The following PRRX1 variants were observed in gnomAD, a reference collection of about 807,000 sequenced individuals.
PRRX1 encodes paired mesoderm homeobox protein 1.
In PRRX1, 8 loss-of-function variants were observed where a neutral mutation model predicts 24.0. That is an observed-to-expected ratio of 0.33 (90% CI 0.20 to 0.60). The LOEUF (loss-of-function observed/expected upper bound fraction) is 0.60, where lower values mean the gene tolerates loss of function less well. Ranked by LOEUF, PRRX1 falls within the 20% of genes least tolerant of loss-of-function variation. The probability of loss-of-function intolerance (pLI) is 0.82; values close to 1 mark genes in which losing one functional copy is unlikely to be tolerated. For synonymous variants in PRRX1, 160 were observed against 131.7 expected, an observed-to-expected ratio of 1.22 and a Z score of -1.47; for missense variants, 281 against 322.4, an observed-to-expected ratio of 0.87 and a Z score of 0.98.
At chr1:170,703,377 G>A (rs554170184) in intron 1 of PRRX1, among the ~76,000 whole-genome samples, 2 of 152,238 alleles carry the variant, frequency 1.3e-5, no homozygotes, top group South Asian at 4.1e-4. Flanking sequence ...TCCTAGTGTA[G>A]TGAAATACAA....
chr1:170,666,309 T>C (rs548971371), intron 1 of PRRX1, among the ~76,000 whole-genome samples: 1 of 147,924 alleles, frequency 6.8e-6, no homozygotes, highest in Non-Finnish European at 1.5e-5. Context: ...TCCCGGTTAC[T>C]CAGCAGGCTG....
intron 1 of PRRX1, among the ~76,000 whole-genome samples, chr1:170,718,207 A>G (rs1654966820): frequency 6.6e-6 from 1 of 152,216 alleles, no homozygotes; most frequent in South Asian, 2.1e-4. Context: ...AGCATTTACT[A>G]TATCTGGGTG....
At chr1:170,683,978 AGTATGCATT>A (rs1653640180) in intron 1 of PRRX1, among the ~76,000 whole-genome samples, 1 of 152,210 alleles carries the variant, frequency 6.6e-6, no homozygotes, top group South Asian at 2.1e-4. Context: ...TTGATTAACA[AGTATGCATT>A]GTATTCAGCA....
intron 1 of PRRX1, among the ~76,000 whole-genome samples, chr1:170,673,705 T>G (rs1653215768): frequency 6.6e-6 from 1 of 152,208 alleles, no homozygotes; most frequent in African/African-American, 2.4e-5. Flanking sequence ...CCCAGTCTGA[T>G]CCTCCTACAG....
chr1:170,704,777 C>T (rs1654503653), intron 1 of PRRX1, among the ~76,000 whole-genome samples: 1 of 152,174 alleles, frequency 6.6e-6, no homozygotes, highest in Non-Finnish European at 1.5e-5. Context: ...ATTTCCAAAT[C>T]TTCAATATTA....
In PRRX1 at chr1:170,664,206, G is replaced by A; in HGVS notation, c.-13G>A. On this transcript the variant is annotated 5_prime_UTR_variant, in exon 1 of 4. Coordinates refer to ENST00000239461, the MANE Select transcript of PRRX1 (RefSeq NM_022716.4). Reference sequence around the variant, plus strand: ...CGGGAAGAGGGGGGTGGGTGGGATCGGTGGGGGAGACCATGACCTCCAGCT... The same window carrying A: ...CGGGAAGAGGGGGGTGGGTGGGATCAGTGGGGGAGACCATGACCTCCAGCT... The A allele has an allele frequency of 6.2e-7, 1 of 1,606,630 alleles. No homozygotes were observed. The highest frequency in any genetic ancestry group is 1.7e-5 in the Admixed American group (1 of 59,466).
At chr1:170,718,974 AG>A (rs1558059868) in intron 1 of PRRX1, among the ~76,000 whole-genome samples, 2 of 152,226 alleles carry the variant, frequency 1.3e-5, no homozygotes. Flanking sequence ...CTAAGATCTC[AG>A]GGTCCTAGAA....
At chr1:170,705,647 T>C (rs1057214951) in intron 1 of PRRX1, among the ~76,000 whole-genome samples, 18 of 152,136 alleles carry the variant, frequency 1.2e-4, no homozygotes, top group Non-Finnish European at 2.6e-4. Context: ...AGTGATATCA[T>C]GTGACCTATT....
intron 2 of PRRX1, among the ~76,000 whole-genome samples, chr1:170,722,425 C>T (rs567447432): frequency 5.9e-5 from 9 of 152,082 alleles, no homozygotes; most frequent in East Asian, 5.8e-4. Flanking sequence ...CTCTTGAACC[C>T]GGTTTTGTTT....
At chr1:170,730,465 G>A (rs1655402400) in intron 3 of PRRX1, 3 of 817,976 alleles carry the variant, frequency 3.7e-6, no homozygotes, top group Non-Finnish European at 6.1e-6. Context: ...AAGTCCTCAA[G>A]TGAGGAATAT....
chr1:170,688,927 T>C (rs967077367), intron 1 of PRRX1, among the ~76,000 whole-genome samples: 5 of 152,122 alleles, frequency 3.3e-5, no homozygotes, highest in Admixed American at 3.3e-4. Context: ...TATGCATCTT[T>C]TGGTTTTTAG....
rs575716883 is a variant in PRRX1 at position 170,733,627 on chromosome 1, C to A, written c.600-2421C>A. On this transcript the variant is annotated intron_variant, in intron 3 of 3. Transcript: ENST00000239461. ...TTCCAGCTTCTCTTCTATGTGTTTA[C>A]AATTTCACTAATTGTGCATCATCTT... Among the ~76,000 whole-genome samples, 5 of 152,234 alleles carry A rather than the reference C, an allele frequency of 3.3e-5. No individual in the cohort carries two copies. In the South Asian group the frequency reaches 1.0e-3, roughly 32 times the overall value.
chr1:170,709,236 A>G (rs1278505507), intron 1 of PRRX1, among the ~76,000 whole-genome samples: 1 of 152,188 alleles, frequency 6.6e-6, no homozygotes, highest in Non-Finnish European at 1.5e-5. Flanking sequence ...CCTACAAAGA[A>G]CTGACAGGTC....
intron 1 of PRRX1, among the ~76,000 whole-genome samples, chr1:170,686,881 A>G (rs932831750): frequency 2.6e-5 from 4 of 152,138 alleles, no homozygotes; most frequent in African/African-American, 4.8e-5. Flanking sequence ...CTATAATAAC[A>G]TTGGTTGAGT....
At chr1:170,681,516 A>G (rs2101891805) in intron 1 of PRRX1, among the ~76,000 whole-genome samples, 1 of 146,994 alleles carries the variant, frequency 6.8e-6, no homozygotes, top group African/African-American at 2.5e-5. Flanking sequence ...CCCTCTTAAT[A>G]GCACTAGACA....
intron 1 of PRRX1, among the ~76,000 whole-genome samples, chr1:170,712,523 C>A (rs1173527790): frequency 2.0e-5 from 3 of 152,120 alleles, no homozygotes; most frequent in Non-Finnish European, 4.4e-5. Context: ...AAAGAGTGAG[C>A]AGAAGAGTAA....
rs1441529406 is a variant in PRRX1 at position 170,736,912 on chromosome 1, TCAC to T, written c.*734_*736del. The T allele has an allele frequency of 1.0e-5, 2 of 199,330 alleles. No homozygotes were observed. The highest frequency in any genetic ancestry group is 2.1e-5 in the Non-Finnish European group (2 of 96,230). 12.3% of individuals were successfully genotyped at this position (199,330 alleles called of 1,614,324 possible). On this transcript the variant is annotated 3_prime_UTR_variant, in exon 4 of 4. Transcript: ENST00000239461. ...CTTGAAGCTACAGATTATATCACTA[TCAC>T]CACCACCCCTCACCCTATGCAATCA...
At position 170,726,328 on chromosome 1, in the gene PRRX1, G is replaced by A. The variant is rs747220791; in HGVS notation, c.526G>A (p.Glu176Lys). ...KSYSGDVTAVEQPIVPRPAPR... is the reference protein window; with the variant it reads ...KSYSGDVTAVKQPIVPRPAPR... ...CTACTCAGGAGACGTGACTGCTGTGGAGCAGCCCATCGTACCTCGTCCTGC... is the reference window on the plus strand; with the variant it reads ...CTACTCAGGAGACGTGACTGCTGTGAAGCAGCCCATCGTACCTCGTCCTGC... The change falls in exon 3 of 4, where the codon GAG (glutamate) becomes AAG (lysine). Residue 176 changes from glutamate (E) to lysine (K), a missense_variant. By Grantham distance (56) the Glu-to-Lys change is moderately conservative. Transcript: ENST00000239461. 3 of 1,614,014 alleles carry A rather than the reference G, an allele frequency of 1.9e-6. No homozygotes were observed. Among genetic ancestry groups the A allele is most frequent in the Admixed American group, 3.3e-5 (2 of 60,004 alleles).
intron 1 of PRRX1, among the ~76,000 whole-genome samples, chr1:170,703,754 G>A (rs1654472327): frequency 6.6e-6 from 1 of 152,204 alleles, no homozygotes; most frequent in Admixed American, 6.5e-5. Flanking sequence ...AGATGAGTGA[G>A]TTTGCTGAAA....
Sources: gnomAD v4.1 joint callset for allele counts (sites outside exome capture counted in the v4.1 genomes callset) on GRCh38, gnomAD v4.1.1 for gene constraint, MANE v1.5 for transcripts, NCBI Gene and HGNC (gene_info 2026-07-23, HGNC 2026-07-21) for gene names.